The following SLC25A22 variants were observed in gnomAD, a reference collection of about 807,000 sequenced individuals.
SLC25A22 encodes the protein mitochondrial glutamate carrier 1.
SLC25A22 carries 23 observed loss-of-function variants against 33.7 expected under a neutral mutation model. The ratio of observed to expected loss-of-function variants is 0.68; its 90% confidence interval spans 0.49 to 0.97. The LOEUF is 0.97. Ranked by LOEUF, SLC25A22 falls within the 50% of genes least tolerant of loss-of-function variation. SLC25A22 has a pLI of 0.00. For synonymous variants in SLC25A22, 245 were observed against 203.8 expected (o/e 1.20, Z -1.72); for missense variants, 390 against 451.1 (o/e 0.86, Z 1.23).
At position 794,766 on chromosome 11, in the gene SLC25A22, G is replaced by T; in HGVS notation, c.146+10C>A. 6.3e-7 allele frequency: 1 copy of T among 1,597,308 alleles called. No homozygotes were observed. On this transcript the variant is annotated intron_variant, in intron 3 of 9. Transcript: ENST00000628067. ...TGGGCCCACTCCCCGCGACCGCCCG[G>T]CACACTCACATGCTCGTGTACACGC...
rs2133710655 is a variant in SLC25A22, at chr11:794,449, A to G, written c.202+9T>C. On this transcript the variant is annotated intron_variant, in intron 4 of 9. Coordinates refer to ENST00000628067, the MANE Select transcript of SLC25A22 (RefSeq NM_001191061.2). ...TGCCCATATCGAGCCCAGCCGAGCCAAACCTCACCCCGGTACATGCCGAAG... is the reference window on the plus strand; with the variant it reads ...TGCCCATATCGAGCCCAGCCGAGCCGAACCTCACCCCGGTACATGCCGAAG... The G allele has an allele frequency of 6.2e-7, 1 of 1,612,580 alleles. No individual in the cohort carries two copies.
In SLC25A22 at chr11:798,225, C is replaced by T. The variant is rs1006989594; in HGVS notation, c.-172G>A. ...GCCGGGCAGACACTCACCACGCTCG[C>T]CGCCGCCGCCGCGCTCGCCTGCCCG... On this transcript the variant is annotated 5_prime_UTR_variant, in exon 1 of 10. Transcript: ENST00000628067. 2 of 393,188 alleles carry T rather than the reference C, an allele frequency of 5.1e-6. No individual in the cohort carries two copies. The highest frequency in any genetic ancestry group is 9.0e-6 in the Non-Finnish European group (2 of 222,792). The allele number at this position is 393,188 out of a possible 1,614,324, so 24.4% of individuals were successfully genotyped here.
intron 4 of SLC25A22, 162 bp from the exon 5 acceptor site, chr11:793,781 G>A (rs543558365): frequency 7.0e-5 from 45 of 641,044 alleles, no homozygotes; most frequent in South Asian, 4.7e-4. Flanking sequence ...CAGGTGGGGC[G>A]GGGCCAGGCA....
chr11:795,157 C>T lies in SLC25A22; in HGVS notation c.-151G>A, dbSNP rs587781167. ...AGGGGAATTTCCAGGCGTCAGCAAC[C>T]GCCACTTCTGTCCTAGAAGGATGAG... is the stretch of plus-strand genomic sequence containing the variant. On this transcript the variant is annotated 5_prime_UTR_variant, in exon 2 of 10. Transcript: ENST00000628067. 9.0e-5 allele frequency: 83 copies of T among 919,202 alleles called. No homozygotes were observed. Among genetic ancestry groups the T allele is most frequent in the Non-Finnish European group, 1.3e-4 (76 of 585,988 alleles). The allele number at this position is 919,202 out of a possible 1,614,324, so 56.9% of individuals were successfully genotyped here. A position where few individuals can be genotyped will look rare whatever the true frequency, so the allele number is the denominator to read the frequency against.
chr11:797,612 C>T, intron 1 of SLC25A22: 1 of 398,684 alleles, frequency 2.5e-6, no homozygotes, highest in Non-Finnish European at 4.4e-6. Flanking sequence ...CTCCTCCTAC[C>T]CCCAAGAAAG....
intron 1 of SLC25A22, chr11:795,435 G>A: frequency 6.3e-6 from 2 of 319,460 alleles, no homozygotes; most frequent in Non-Finnish European, 1.2e-5. Flanking sequence ...GGGCTCACGT[G>A]CACCCCAGCC....
intron 3 of SLC25A22, 30 bp downstream of exon 3, chr11:794,746 C>A: frequency 6.3e-7 from 1 of 1,590,124 alleles, no homozygotes; most frequent in Non-Finnish European, 8.5e-7. Flanking sequence ...CATGCTGGGC[C>A]CACTCCCCGC....
At position 795,161 on chromosome 11, in the gene SLC25A22, A is replaced by T. The variant is rs886048702; in HGVS notation, c.-155T>A. 1 of 885,178 alleles carries T rather than the reference A, an allele frequency of 1.1e-6. No individual in the cohort carries two copies. The highest frequency in any genetic ancestry group is 1.8e-6 in the Non-Finnish European group (1 of 554,976). 54.8% of individuals were successfully genotyped at this position (885,178 alleles called of 1,614,324 possible). ...GAATTTCCAGGCGTCAGCAACCGCC[A>T]CTTCTGTCCTAGAAGGATGAGGGAA... On this transcript the variant is annotated 5_prime_UTR_variant, in exon 2 of 10. Coordinates refer to ENST00000628067, the MANE Select transcript of SLC25A22 (RefSeq NM_001191061.2).
Position 795,407 on chromosome 11 carries a change from ACACGCCGCT to A in SLC25A22, c.-163-247_-163-239del, listed in dbSNP as rs1469804021. ...CGCCAGCGTCTTCCCAGCCAGCCTC[ACACGCCGCT>A]CACGCTCGGGGCTCACGTGCACCCC... On this transcript the variant is annotated intron_variant, in intron 1 of 9. Transcript: ENST00000628067. 4 of 300,192 alleles carry A rather than the reference ACACGCCGCT, an allele frequency of 1.3e-5. No homozygotes were observed. The African/African-American group carries it at 1.5e-4, about 11-fold the overall frequency. The allele number at this position is 300,192 out of a possible 1,614,324, so 18.6% of individuals were successfully genotyped here.
chr11:797,713 C>A, intron 1 of SLC25A22: 1 of 398,686 alleles, frequency 2.5e-6, no homozygotes, highest in East Asian at 3.6e-5. Context: ...TTCTATCCTG[C>A]TGGCTGGAGG....
rs767700596 is a variant in SLC25A22 at position 792,025 on chromosome 11, C to G, written c.862G>C (p.Ala288Pro). 6.2e-7 allele frequency: 1 copy of G among 1,604,388 alleles called. No individual in the cohort carries two copies. Among genetic ancestry groups the G allele is most frequent in the Non-Finnish European group, 8.5e-7 (1 of 1,176,256 alleles). Reference protein sequence around the residue: ...HEGPSAFLKGAYCRALVIAPL... With the variant: ...HEGPSAFLKGPYCRALVIAPL... Reference sequence around the variant, plus strand: ...GCGATGACCAGCGCGCGGCAGTAGGCGCCCTTCAGGAAGGCCGAGGGGCCC... The same window carrying G: ...GCGATGACCAGCGCGCGGCAGTAGGGGCCCTTCAGGAAGGCCGAGGGGCCC... The change falls in exon 10 of 10, where the codon GCC (alanine) becomes CCC (proline). Residue 288 changes from alanine to proline, a missense_variant. Transcript: ENST00000628067.
At chr11:792,532 C>A (rs374443556) in intron 7 of SLC25A22, 21 bp downstream of exon 7, 31 of 1,612,390 alleles carry the variant, frequency 1.9e-5, no homozygotes, top group East Asian at 8.9e-5. Flanking sequence ...TCCCTCCCCC[C>A]ACCTGCCCTG....
chr11:793,971 G>T (rs111728015), intron 4 of SLC25A22: 4 of 473,816 alleles, frequency 8.4e-6, no homozygotes, highest in South Asian at 2.0e-5. Context: ...CAGGGGGCTG[G>T]GGCCAGAGGT....
chr11:797,987 C>T, intron 1 of SLC25A22: 1 of 398,448 alleles, frequency 2.5e-6, no homozygotes. Context: ...CCCTCGGGGA[C>T]ACGTATGTGC....
intron 1 of SLC25A22, chr11:797,610 A>T: frequency 2.5e-6 from 1 of 398,376 alleles, no homozygotes; most frequent in Admixed American, 4.4e-5. Flanking sequence ...GGCTCCTCCT[A>T]CCCCCAAGAA....
Position 794,695 on chromosome 11 carries a change from T to TG in SLC25A22, c.146+80dup, listed in dbSNP as rs952208241. On this transcript the variant is annotated intron_variant, in intron 3 of 9. Coordinates refer to ENST00000628067, the MANE Select transcript of SLC25A22 (RefSeq NM_001191061.2). ...CCCGTTTCCCTTCTGTCAAACAGGG[T>TG]GGGGGGCACAGGAGCAGAGCCCCCA... The TG allele has an allele frequency of 5.8e-6, 9 of 1,548,506 alleles. No homozygotes were observed. In the East Asian group the frequency reaches 1.7e-4, roughly 29 times the overall value.
At position 790,856 on chromosome 11, in the gene SLC25A22, G is replaced by T. The variant is rs959352369; in HGVS notation, c.*1059C>A. On this transcript the variant is annotated 3_prime_UTR_variant, in exon 10 of 10. Coordinates refer to ENST00000628067, the MANE Select transcript of SLC25A22 (RefSeq NM_001191061.2). The stretch of plus-strand genomic sequence containing the variant: ...GGTCAGGGGCCTTATGCCCGGAGGC[G>T]GGAAGGATGGGGCTTCTGCAGTGTA... 1 of 152,202 alleles carries T rather than the reference G, an allele frequency of 6.6e-6. No homozygotes were observed. The highest frequency in any genetic ancestry group is 1.5e-5 in the Non-Finnish European group (1 of 68,022). 9.4% of individuals were successfully genotyped at this position (152,202 alleles called of 1,614,324 possible). A position where few individuals can be genotyped will look rare whatever the true frequency, so the allele number is the denominator to read the frequency against.
At chr11:792,833 C>T (rs757627687) in intron 6 of SLC25A22, 37 bp downstream of exon 6, 6 of 1,584,812 alleles carry the variant, frequency 3.8e-6, no homozygotes, top group Admixed American at 1.7e-5. Context: ...CCTCTTCCCG[C>T]ACCTCTGCCC....
chr11:796,040 C>CACCGGCAGCGCCGTTGCCCAGG (rs1474005402), intron 1 of SLC25A22: 2 of 152,448 alleles, frequency 1.3e-5, no homozygotes, highest in African/African-American at 4.8e-5. Context: ...CTGTTTCACC[C>CACCGGCAGCGCCGTTGCCCAGG]ACCGGCAGCG....
Sources: allele counts gnomAD v4.1 joint callset, GRCh38; gene constraint gnomAD v4.1.1; transcripts MANE v1.5; gene names NCBI Gene and HGNC (gene_info 2026-07-23, HGNC 2026-07-21).